Variants in KRABD4 observed in about 807,000 individuals in gnomAD.
The protein encoded by KRABD4 is KRAB domain containing 4, also known as KRAB domain-containing protein 4.
chrX:46,461,231 G>A, the KRABD4 span, among the ~76,000 whole-genome samples: 20 of 111,247 alleles, frequency 1.8e-4, no homozygotes, highest in African/African-American at 5.9e-4. Context: ...TTGCCACTCA[G>A]TGATAAGTAA....
the KRABD4 span, among the ~76,000 whole-genome samples, chrX:46,453,316 G>A: frequency 2.7e-5 from 3 of 112,027 alleles, no homozygotes; most frequent in Non-Finnish European, 3.8e-5. Flanking sequence ...TCTCCGTCTG[G>A]ATGGAAAGAA....
At chrX:46,448,800 C>T in the KRABD4 span, 2 of 111,237 alleles carry the variant, frequency 1.8e-5, no homozygotes, top group Non-Finnish European at 3.8e-5. Flanking sequence ...CCCTGTGTTC[C>T]CGTCTCTTGC....
the KRABD4 span, among the ~76,000 whole-genome samples, chrX:46,460,191 G>A: frequency 0.36 from 39,744 of 110,752 alleles, 6,393 homozygotes; most frequent in Non-Finnish European, 0.5. Context: ...AGGCCAAGGC[G>A]GGCGGATCAC....
the KRABD4 span, among the ~76,000 whole-genome samples, chrX:46,466,493 T>G: frequency 8.9e-6 from 1 of 111,988 alleles, no homozygotes; most frequent in Non-Finnish European, 1.9e-5. Flanking sequence ...TTTCTTGTGG[T>G]GCATTTCAAA....
the KRABD4 span, chrX:46,471,041 C>A: frequency 2.1e-6 from 2 of 949,550 alleles, no homozygotes; most frequent in Non-Finnish European, 1.4e-6. Flanking sequence ...TTCAGATTAT[C>A]TATATCCTTG....
At chrX:46,456,045 T>C in the KRABD4 span, 1 of 359,073 alleles carries the variant, frequency 2.8e-6, no homozygotes, top group South Asian at 2.8e-5. Context: ...TCTTCTGAAA[T>C]CTACTCTTCA....
the KRABD4 span, among the ~76,000 whole-genome samples, chrX:46,463,976 A>G: frequency 1.8e-5 from 2 of 108,122 alleles, no homozygotes; most frequent in South Asian, 8.2e-4. Flanking sequence ...ACTTCATACT[A>G]CTTGTTATCA....
At chrX:46,462,687 A>G in the KRABD4 span, 122 of 1,208,243 alleles carry the variant, frequency 1.0e-4, 1 homozygote, top group Non-Finnish European at 1.2e-4. Context: ...TGTGCGTGAG[A>G]TGCCATGTCC....
At chrX:46,450,521 C>T in the KRABD4 span, 9 of 1,144,824 alleles carry the variant, frequency 7.9e-6, no homozygotes, top group Middle Eastern at 2.4e-4. Flanking sequence ...GAAATTGAGG[C>T]AAGGTTTGGA....
the KRABD4 span, chrX:46,472,872 T>C: frequency 8.3e-7 from 1 of 1,211,601 alleles, no homozygotes; most frequent in Admixed American, 2.2e-5. Flanking sequence ...ATCCAGAACA[T>C]GTAGAAAAAG....
At chrX:46,447,847 C>T in the KRABD4 span, among the ~76,000 whole-genome samples, 6 of 110,478 alleles carry the variant, frequency 5.4e-5, no homozygotes, top group South Asian at 3.8e-4. Context: ...TTTATTGTTT[C>T]CTGTGTGTCT....
At chrX:46,462,752 C>A in the KRABD4 span, 1 of 1,211,610 alleles carries the variant, frequency 8.3e-7, no homozygotes, top group Non-Finnish European at 1.1e-6. Flanking sequence ...TTACAGGAAT[C>A]ATTGACCTTC....
the KRABD4 span, among the ~76,000 whole-genome samples, chrX:46,469,200 T>G: frequency 8.9e-6 from 1 of 112,324 alleles, no homozygotes; most frequent in Non-Finnish European, 1.9e-5. Flanking sequence ...CCTTGGTATT[T>G]TCCTAGAAAT....
chrX:46,472,622 G>A, the KRABD4 span: 1 of 721,145 alleles, frequency 1.4e-6, no homozygotes, highest in Non-Finnish European at 2.1e-6. Context: ...CATGGGGAGG[G>A]TCCATCCACA....
the KRABD4 span, chrX:46,472,480 A>T: frequency 6.8e-6 from 2 of 293,952 alleles, no homozygotes; most frequent in Non-Finnish European, 1.2e-5. Context: ...CTCACTTTAA[A>T]TTTCTTCTTC....
the KRABD4 span, among the ~76,000 whole-genome samples, chrX:46,471,718 A>G: frequency 1.8e-5 from 2 of 112,263 alleles, no homozygotes; most frequent in South Asian, 7.3e-4. Flanking sequence ...TATAGTTGGA[A>G]TCATATAGTA....
chrX:46,473,325 G>A, the KRABD4 span: 12 of 1,158,986 alleles, frequency 1.0e-5, no homozygotes, highest in African/African-American at 1.3e-4. Context: ...CTCACACAGG[G>A]GAGAAGCCCT....
the KRABD4 span, among the ~76,000 whole-genome samples, chrX:46,460,227 C>T: frequency 9.0e-6 from 1 of 111,540 alleles, no homozygotes; most frequent in East Asian, 2.8e-4. Context: ...TGAGACCAGC[C>T]TGACCAACAT....
the KRABD4 span, chrX:46,450,509 G>C: frequency 1.7e-6 from 2 of 1,174,698 alleles, no homozygotes; most frequent in Non-Finnish European, 2.3e-6. Context: ...TTTGTTTCCA[G>C]TGAAATTGAG....
Sources: gnomAD v4.1 joint callset for allele counts (sites outside exome capture counted in the v4.1 genomes callset) on GRCh38, gnomAD v4.1.1 for gene constraint, MANE v1.5 for transcripts, NCBI Gene and HGNC (gene_info 2026-07-23, HGNC 2026-07-21) for gene names.